The following MIS18BP1 variants were observed in gnomAD, a reference collection of about 807,000 sequenced individuals.
MIS18BP1 encodes the protein MIS18 binding protein 1, also known as mis18-binding protein 1.
In MIS18BP1, 72 loss-of-function variants were observed where a neutral mutation model predicts 116.1. The ratio of observed to expected loss-of-function variants is 0.62; its 90% CI spans 0.51 to 0.75. MIS18BP1 has a LOEUF of 0.75. Ranked by LOEUF, MIS18BP1 falls within the 30% of genes least tolerant of loss-of-function variation. MIS18BP1 has a pLI of 0.00. For synonymous variants in MIS18BP1, 386 were observed against 427.0 expected, an observed-to-expected ratio of 0.90 and a Z score of 1.18; for missense variants, 1,363 against 1,303.2, an observed-to-expected ratio of 1.05 and a Z score of -0.71.
At chr14:45,228,962 A>C (rs1217491637) in intron 8 of MIS18BP1, among the ~76,000 whole-genome samples, 1 of 152,174 alleles carries the variant, frequency 6.6e-6, no homozygotes, top group African/African-American at 2.4e-5. Flanking sequence ...GCAAAGTGCA[A>C]TGATAATAAT....
chr14:45,229,785 TAGAG>T (rs1175873726), intron 8 of MIS18BP1, among the ~76,000 whole-genome samples: 7 of 151,980 alleles, frequency 4.6e-5, no homozygotes, highest in Non-Finnish European at 7.4e-5. Context: ...AGTAAAAAAG[TAGAG>T]AGCAGGTGCC....
chr14:45,251,890 G>A (rs971575833), intron 1 of MIS18BP1, among the ~76,000 whole-genome samples: 3 of 152,120 alleles, frequency 2.0e-5, no homozygotes, highest in African/African-American at 7.2e-5. Flanking sequence ...GCATACTATT[G>A]ACACGGAAAT....
chr14:45,214,638 G>A (rs954321248), intron 13 of MIS18BP1, among the ~76,000 whole-genome samples: 6 of 152,138 alleles, frequency 3.9e-5, no homozygotes, highest in African/African-American at 1.4e-4. Context: ...CCAGTCTGTC[G>A]TCCCACCTGT....
Position 45,218,428 on chromosome 14 carries a change from T to A in MIS18BP1, c.2696A>T (p.Lys899Ile), listed in dbSNP as rs201131079. ...AGCTACCTCTGACCAGAAACCAGGT[T>A]TGTGCTTTGGAAGAGATGCAAAAGC... ...HCAFASLPKH[K>I]PGFWSEVAAA... Residue 899 changes from lysine (K) to isoleucine (I), a missense_variant, in exon 12 of 17, where the codon AAA becomes ATA. By Grantham distance (102) the Lys-to-Ile change is moderately radical. Transcript: ENST00000310806. The A allele has an allele frequency of 4.3e-6, 7 of 1,609,380 alleles. No individual in the cohort carries two copies. Among genetic ancestry groups the A allele is most frequent in the Non-Finnish European group, 5.9e-6 (7 of 1,178,980 alleles).
chr14:45,218,182 A>G (rs1890873622), intron 12 of MIS18BP1, 100 bp downstream of exon 12: 9 of 1,243,254 alleles, frequency 7.2e-6, no homozygotes, highest in Admixed American at 5.3e-5. Flanking sequence ...TTAAGAAAAT[A>G]CCTATTAATA....
intron 14 of MIS18BP1, 184 bp downstream of exon 14, chr14:45,210,196 T>A (rs1192777308): frequency 7.2e-6 from 4 of 555,374 alleles, no homozygotes; most frequent in Non-Finnish European, 1.2e-5. Context: ...ATCACAATGC[T>A]GTTTATTGAA....
Position 45,217,141 on chromosome 14 carries a change from T to C in MIS18BP1, c.2881A>G (p.Ile961Val), listed in dbSNP as rs367973822. The C allele has an allele frequency of 6.1e-5, 99 of 1,614,048 alleles. No individual in the cohort carries two copies. Among genetic ancestry groups the C allele is most frequent in the African/African-American group, 1.1e-4 (8 of 74,942 alleles). The change falls in exon 13 of 17, where the codon ATA becomes GTA. Residue 961 changes from isoleucine to valine, a missense_variant. Coordinates refer to ENST00000310806, the MANE Select transcript of MIS18BP1 (RefSeq NM_018353.5). ...GDADQKQTIK[I>V]TAKVGTLKRK... Reference sequence around the variant, plus strand: ...TTAAGAGTTCCCACTTTGGCAGTTATCTTAATAGTTTGTTTCTGATCAGCA... The same window carrying C: ...TTAAGAGTTCCCACTTTGGCAGTTACCTTAATAGTTTGTTTCTGATCAGCA...
intron 11 of MIS18BP1, among the ~76,000 whole-genome samples, chr14:45,219,737 A>C (rs868867147): frequency 1.4e-4 from 22 of 152,248 alleles, no homozygotes; most frequent in African/African-American, 5.1e-4. Flanking sequence ...TTACATAATT[A>C]ATCATTCCAC....
chr14:45,209,722 A>C (rs981331006), intron 14 of MIS18BP1, among the ~76,000 whole-genome samples: 7 of 152,234 alleles, frequency 4.6e-5, no homozygotes, highest in Non-Finnish European at 1.0e-4. Context: ...ACAATGAATA[A>C]GCTGTACATT....
intron 13 of MIS18BP1, among the ~76,000 whole-genome samples, chr14:45,212,191 T>C (rs1034614952): frequency 7.2e-5 from 11 of 152,122 alleles, no homozygotes; most frequent in African/African-American, 2.7e-4. Context: ...CAGTGCACCA[T>C]TTGTTTGCAG....
At position 45,247,111 on chromosome 14, in the gene MIS18BP1, T is replaced by G; in HGVS notation, c.176A>C (p.Lys59Thr). 6.2e-7 allele frequency: 1 copy of G among 1,612,912 alleles called. No homozygotes were observed. Among genetic ancestry groups the G allele is most frequent in the Non-Finnish European group, 8.5e-7 (1 of 1,179,876 alleles). Residue 59 changes from lysine (K) to threonine (T), a missense_variant, in exon 2 of 17, where the codon AAA (lysine) becomes ACA (threonine). By Grantham distance (78) the Lys-to-Thr change is moderately conservative (BLOSUM62 -1). Transcript: ENST00000310806. ...TGTCATTTTTAGGAACTGATTCTTT[T>G]TATGGTCATTCAATTTTAAGGAGGA... Reference protein sequence around the residue: ...QNSSLKLNDHKKNQFLKMTTF... With the variant: ...QNSSLKLNDHTKNQFLKMTTF...
At chr14:45,231,680 A>T (rs933431190) in intron 7 of MIS18BP1, among the ~76,000 whole-genome samples, 1 of 152,252 alleles carries the variant, frequency 6.6e-6, no homozygotes, top group Non-Finnish European at 1.5e-5. Context: ...TCTGCTACAA[A>T]GGCAGAGTTG....
At chr14:45,205,359 C>T (rs1424808329) in intron 15 of MIS18BP1, among the ~76,000 whole-genome samples, 2 of 152,070 alleles carry the variant, frequency 1.3e-5, no homozygotes, top group Non-Finnish European at 2.9e-5. Flanking sequence ...GCAAGGGAAT[C>T]AAGGGGGTTC....
Position 45,231,209 on chromosome 14 carries a change from GCAT to G in MIS18BP1, c.1523_1525del (p.Asp508del), listed in dbSNP as rs752191770. ...AGCAGTATCTGTTTGGTTTTCTCGT[GCAT>G]CATTTTTCATTGATTTCCTTATGTC... On this transcript the variant is annotated inframe_deletion, in exon 8 of 17. Transcript: ENST00000310806. 13 of 1,613,684 alleles carry G rather than the reference GCAT, an allele frequency of 8.1e-6. No homozygotes were observed. The highest frequency in any genetic ancestry group is 6.7e-5 in the East Asian group (3 of 44,858).
chr14:45,242,672 G>A (rs1891614760), intron 3 of MIS18BP1, 89 bp downstream of exon 3: 1 of 1,459,546 alleles, frequency 6.9e-7, no homozygotes, highest in African/African-American at 1.4e-5. Flanking sequence ...CACAGCTAAA[G>A]TTTAATGCCC....
In MIS18BP1 at chr14:45,203,243, A is replaced by AG. The variant is rs1890414456; in HGVS notation, c.*865dup. ...AATAATCTAAATAGAGAACAAGGGT[A>AG]GGTGAATGTGTAGCCAGAGGGAAAA... On this transcript the variant is annotated 3_prime_UTR_variant, in exon 17 of 17. Coordinates refer to ENST00000310806, the MANE Select transcript of MIS18BP1 (RefSeq NM_018353.5). 1 of 152,216 alleles carries AG rather than the reference A, an allele frequency of 6.6e-6. No homozygotes were observed. Among genetic ancestry groups the AG allele is most frequent in the Non-Finnish European group, 1.5e-5 (1 of 68,028 alleles). 9.4% of individuals were successfully genotyped at this position (152,216 alleles called of 1,614,324 possible). A position where few individuals can be genotyped will look rare whatever the true frequency, so the allele number is the denominator to read the frequency against.
At chr14:45,205,388 G>A (rs1320106325) in intron 15 of MIS18BP1, among the ~76,000 whole-genome samples, 1 of 152,152 alleles carries the variant, frequency 6.6e-6, no homozygotes, top group Non-Finnish European at 1.5e-5. Context: ...TACCATTCTC[G>A]AAGATTAGCT....
Position 45,241,241 on chromosome 14 carries a change from G to A in MIS18BP1, c.1143+793C>T, listed in dbSNP as rs532491405. On this transcript the variant is annotated intron_variant, in intron 4 of 16. Transcript: ENST00000310806. ...TCCCGGCACTTTGGGAGGCCGAGGC[G>A]GGAGGATCACTTGAGGTCAGGAGTC... Among the ~76,000 whole-genome samples the A allele has an allele frequency of 9.8e-5, 15 of 152,320 alleles. No individual in the cohort carries two copies. The South Asian group carries it at 2.9e-3, about 29-fold the overall frequency.
intron 14 of MIS18BP1, chr14:45,206,466 TC>T: frequency 4.2e-6 from 1 of 236,116 alleles, no homozygotes. Flanking sequence ...TTTGTATTTT[TC>T]TTAAGAGACA....
Sources: allele counts gnomAD v4.1 joint callset (sites outside exome capture counted in the v4.1 genomes callset), GRCh38; gene constraint gnomAD v4.1.1; transcripts MANE v1.5; gene names NCBI Gene and HGNC (gene_info 2026-07-23, HGNC 2026-07-21).